Variants in CSMD1 observed in about 807,000 individuals in gnomAD.
CSMD1 encodes the protein CUB and Sushi multiple domains 1, also known as CUB and sushi domain-containing protein 1.
A neutral mutation model predicts 417.5 loss-of-function variants in CSMD1; 213 were observed. That is an observed-to-expected ratio of 0.51 (90% CI 0.46 to 0.57). CSMD1 has a LOEUF of 0.57. CSMD1 is among the 20% of genes least tolerant of loss of function. CSMD1 has a pLI of 0.00. For missense variants in CSMD1, 6,923 were observed against 4,529.7 expected (o/e 1.53, Z -15.17); for synonymous variants, 2,862 against 1,736.8 (o/e 1.65, Z -16.11).
At chr8:3,938,014 G>C (rs928687492) in intron 5 of CSMD1, among the ~76,000 whole-genome samples, 2 of 152,050 alleles carry the variant, frequency 1.3e-5, no homozygotes, top group African/African-American at 2.4e-5. Flanking sequence ...ATAAAACCCA[G>C]CATCTAACAT....
chr8:4,686,667 G>C (rs1188824034), intron 1 of CSMD1, among the ~76,000 whole-genome samples: 1 of 152,144 alleles, frequency 6.6e-6, no homozygotes, highest in Non-Finnish European at 1.5e-5. Flanking sequence ...CTGTTGCTCT[G>C]GGTTTTCATT....
At chr8:3,085,197 T>C (rs1054116460) in intron 49 of CSMD1, among the ~76,000 whole-genome samples, 1 of 152,158 alleles carries the variant, frequency 6.6e-6, no homozygotes, top group South Asian at 2.1e-4. Flanking sequence ...CTTTTATGTG[T>C]TTCAGTTTCA....
chr8:4,295,956 A>G (rs767583719), intron 3 of CSMD1, among the ~76,000 whole-genome samples: 12 of 151,800 alleles, frequency 7.9e-5, no homozygotes, highest in Non-Finnish European at 1.8e-4. Flanking sequence ...CTCACTCTGT[A>G]GAACATTTTC....
intron 3 of CSMD1, among the ~76,000 whole-genome samples, chr8:4,081,468 G>A (rs1347521227): frequency 1.3e-5 from 2 of 152,112 alleles, no homozygotes; most frequent in African/African-American, 2.4e-5. Context: ...GGTGTCATGG[G>A]AACACTAAAT....
chr8:3,687,538 T>C (rs574123426), intron 7 of CSMD1, among the ~76,000 whole-genome samples: 1 of 152,338 alleles, frequency 6.6e-6, no homozygotes, highest in East Asian at 1.9e-4. Flanking sequence ...TTCTTCCAGA[T>C]ATTCTCTGTG....
intron 3 of CSMD1, among the ~76,000 whole-genome samples, chr8:4,402,657 T>A (rs1418715372): frequency 6.6e-6 from 1 of 152,132 alleles, no homozygotes; most frequent in Non-Finnish European, 1.5e-5. Flanking sequence ...ACATTTTCAT[T>A]AATGAATTTG....
At chr8:4,123,485 A>C (rs1333459114) in intron 3 of CSMD1, among the ~76,000 whole-genome samples, 1 of 152,200 alleles carries the variant, frequency 6.6e-6, no homozygotes, top group Non-Finnish European at 1.5e-5. Context: ...AGTGCAGTTG[A>C]ATTGCTTTTA....
intron 3 of CSMD1, among the ~76,000 whole-genome samples, chr8:4,159,253 A>C (rs914222620): frequency 1.3e-5 from 2 of 152,098 alleles, no homozygotes; most frequent in Non-Finnish European, 2.9e-5. Flanking sequence ...GAAATGTTTT[A>C]CTCATTGGGG....
chr8:4,257,459 TAATA>T, intron 3 of CSMD1, among the ~76,000 whole-genome samples: 1 of 152,308 alleles, frequency 6.6e-6, no homozygotes, highest in South Asian at 2.1e-4. Context: ...ATTCCTTCCT[TAATA>T]GTTTTAAGAA....
At chr8:3,017,772 T>C (rs773666369) in intron 52 of CSMD1, among the ~76,000 whole-genome samples, 11 of 139,710 alleles carry the variant, frequency 7.9e-5, no homozygotes, top group Non-Finnish European at 1.4e-4. Flanking sequence ...ATTCAGAAGC[T>C]TAAAGCTCCC....
chr8:3,884,199 G>C (rs59917013), intron 5 of CSMD1, among the ~76,000 whole-genome samples: 7,677 of 152,210 alleles, frequency 0.05, 259 homozygotes, highest in African/African-American at 0.094. Flanking sequence ...TTTTAAATAG[G>C]TAAGTTTGTT....
chr8:3,616,146 A>T (rs193013591), intron 8 of CSMD1, among the ~76,000 whole-genome samples: 1 of 152,196 alleles, frequency 6.6e-6, no homozygotes, highest in African/African-American at 2.4e-5. Context: ...TATGACATTT[A>T]CATGGTTTGG....
chr8:3,825,826 C>G (rs1274104816), intron 5 of CSMD1, among the ~76,000 whole-genome samples: 1 of 152,216 alleles, frequency 6.6e-6, no homozygotes, highest in South Asian at 2.1e-4. Flanking sequence ...CTTTAAATCC[C>G]ATTTAAATAT....
chr8:3,898,371 C>T (rs1047432745), intron 5 of CSMD1, among the ~76,000 whole-genome samples: 3 of 152,058 alleles, frequency 2.0e-5, no homozygotes, highest in African/African-American at 7.2e-5. Flanking sequence ...ATGGCATGAT[C>T]TGTTATGGGG....
intron 5 of CSMD1, among the ~76,000 whole-genome samples, chr8:3,826,183 C>T (rs969643675): frequency 2.1e-4 from 32 of 152,144 alleles, no homozygotes; most frequent in Non-Finnish European, 4.0e-4. Context: ...GAGTTGAAAG[C>T]CCTGTGGAGG....
intron 46 of CSMD1, among the ~76,000 whole-genome samples, chr8:3,102,209 A>C (rs1475552212): frequency 6.6e-6 from 1 of 152,218 alleles, no homozygotes; most frequent in African/African-American, 2.4e-5. Flanking sequence ...GAATCAATCA[A>C]ATAGTAGAAA....
chr8:4,038,297 C>G (rs890736953), intron 3 of CSMD1, among the ~76,000 whole-genome samples: 3 of 151,904 alleles, frequency 2.0e-5, no homozygotes, highest in Non-Finnish European at 2.9e-5. Context: ...TAGTTTCAAA[C>G]ACCAAAAAAC....
intron 4 of CSMD1, among the ~76,000 whole-genome samples, chr8:4,011,004 G>T (rs1329417481): frequency 6.6e-6 from 1 of 152,184 alleles, no homozygotes; most frequent in African/African-American, 2.4e-5. Context: ...TCTGGGGGAT[G>T]ACTGTTTCAT....
At position 3,127,175 on chromosome 8, in the gene CSMD1, C is replaced by T. The variant is rs79472547; in HGVS notation, c.6242-8588G>A. Among the ~76,000 whole-genome samples, 996 of 152,158 alleles carry T rather than the reference C, an allele frequency of 6.5e-3. 11 individuals are homozygous for T. The highest frequency in any genetic ancestry group is 0.049 in the East Asian group (253 of 5,158). On this transcript the variant is annotated intron_variant, in intron 41 of 69. Coordinates refer to ENST00000635120, the MANE Select transcript of CSMD1 (RefSeq NM_033225.6). ...TCTGTCTCGTACATGGTTGCCCTAG[C>T]GGGGATGGGGATTGCTACAACTCTT...
Sources: allele counts gnomAD v4.1 joint callset (sites outside exome capture counted in the v4.1 genomes callset), GRCh38; gene constraint gnomAD v4.1.1; transcripts MANE v1.5; gene names NCBI Gene and HGNC (gene_info 2026-07-23, HGNC 2026-07-21).